The following KDM4B variants were observed in gnomAD, a reference collection of about 807,000 sequenced individuals.
KDM4B encodes lysine-specific demethylase 4B.
KDM4B carries 32 observed loss-of-function variants against 125.2 expected under a neutral mutation model. The ratio of observed to expected loss-of-function variants is 0.26; its 90% confidence interval spans 0.19 to 0.34. KDM4B has a LOEUF of 0.34. KDM4B is among the 10% of genes least tolerant of loss of function. KDM4B has a pLI of 1.00. For synonymous variants in KDM4B, 721 were observed against 677.9 expected (o/e 1.06, Z -0.99); for missense variants, 1,190 against 1,577.7 (o/e 0.75, Z 4.16).
intron 9 of KDM4B, among the ~76,000 whole-genome samples, chr19:5,095,438 G>T (rs1044855964): frequency 6.6e-6 from 1 of 152,250 alleles, no homozygotes; most frequent in Admixed American, 6.5e-5. Flanking sequence ...TCTGGTGAAA[G>T]CTCAGTGCTG....
At chr19:5,065,757 C>T (rs1462827737) in intron 6 of KDM4B, among the ~76,000 whole-genome samples, 1 of 152,240 alleles carries the variant, frequency 6.6e-6, no homozygotes, top group Non-Finnish European at 1.5e-5. Flanking sequence ...TCATGAGCTG[C>T]CCGCCATCCA....
At chr19:5,032,322 T>C (rs1167989652) in intron 2 of KDM4B, among the ~76,000 whole-genome samples, 1 of 152,140 alleles carries the variant, frequency 6.6e-6, no homozygotes, top group Admixed American at 6.5e-5. Context: ...GGCCTGCTGC[T>C]CTCCTGGGTC....
At chr19:4,984,872 C>T (rs922513147) in intron 1 of KDM4B, among the ~76,000 whole-genome samples, 7 of 152,098 alleles carry the variant, frequency 4.6e-5, no homozygotes, top group African/African-American at 1.7e-4. Context: ...GGCACCTGCT[C>T]CGTGAAACCC....
intron 14 of KDM4B, among the ~76,000 whole-genome samples, chr19:5,134,620 C>T (rs144056957): frequency 0.013 from 2,025 of 152,336 alleles, 42 homozygotes; most frequent in African/African-American, 0.047. Context: ...TCTCTCTTCC[C>T]CTGGGCATGC....
At chr19:5,034,302 T>A (rs1192034123) in intron 3 of KDM4B, among the ~76,000 whole-genome samples, 2 of 152,222 alleles carry the variant, frequency 1.3e-5, no homozygotes, top group Admixed American at 6.5e-5. Flanking sequence ...AGTTGCCTGC[T>A]GTTTGACTAT....
chr19:5,034,736 C>G (rs1006849572), intron 3 of KDM4B, among the ~76,000 whole-genome samples: 1 of 152,192 alleles, frequency 6.6e-6, no homozygotes, highest in African/African-American at 2.4e-5. Context: ...CCTTCGGTAT[C>G]AGACTCGCAT....
intron 9 of KDM4B, among the ~76,000 whole-genome samples, chr19:5,107,943 G>A (rs2039066859): frequency 1.3e-5 from 2 of 152,220 alleles, no homozygotes; most frequent in African/African-American, 4.8e-5. Flanking sequence ...GCCACGTGGA[G>A]ACTTGCAGGA....
chr19:5,142,794 G>T lies in KDM4B; in HGVS notation c.2551-1173G>T, dbSNP rs956897306. Among the ~76,000 whole-genome samples the T allele has an allele frequency of 6.7e-6, 1 of 149,762 alleles. No individual in the cohort carries two copies. The highest frequency in any genetic ancestry group is 1.5e-5 in the Non-Finnish European group (1 of 67,216). ...ATTTACAGTTTAATAACGAGATCTC[G>T]ATGCCGTCGATCGGCCCTGCTCCAG... is the stretch of plus-strand genomic sequence containing the variant. On this transcript the variant is annotated intron_variant, in intron 18 of 22. Transcript: ENST00000159111. This position sits in a 1 kb window ranked among gnomAD's most constrained non-coding sequence, Gnocchi z 5.4.
At chr19:5,034,041 G>C (rs2036540909) in intron 3 of KDM4B, among the ~76,000 whole-genome samples, 1 of 152,222 alleles carries the variant, frequency 6.6e-6, no homozygotes, top group African/African-American at 2.4e-5. Flanking sequence ...GGCTGAGGCG[G>C]GAGGATCACT....
chr19:5,036,208 T>C (rs549837408), intron 3 of KDM4B, among the ~76,000 whole-genome samples: 24 of 152,306 alleles, frequency 1.6e-4, no homozygotes, highest in Non-Finnish European at 3.4e-4. Flanking sequence ...CCACTGTGTG[T>C]GTGCGTGCAT....
At chr19:5,089,964 T>C (rs1276746249) in intron 9 of KDM4B, among the ~76,000 whole-genome samples, 1 of 151,742 alleles carries the variant, frequency 6.6e-6, no homozygotes, top group Non-Finnish European at 1.5e-5. Context: ...ATTCCAGAGG[T>C]TCAAGACCGG....
chr19:5,063,392 A>G (rs1227964962), intron 6 of KDM4B, among the ~76,000 whole-genome samples: 1 of 152,188 alleles, frequency 6.6e-6, no homozygotes, highest in African/African-American at 2.4e-5. Flanking sequence ...GGATTCAGAA[A>G]ACGAGCTCAG....
intron 1 of KDM4B, among the ~76,000 whole-genome samples, chr19:4,982,682 G>A (rs944435472): frequency 6.6e-6 from 1 of 150,808 alleles, no homozygotes; most frequent in South Asian, 2.1e-4. Context: ...GCGAGATCTC[G>A]GCTCACTGCA....
At chr19:5,084,520 A>G (rs1178350232) in intron 9 of KDM4B, among the ~76,000 whole-genome samples, 2 of 58,524 alleles carry the variant, frequency 3.4e-5, no homozygotes, top group Non-Finnish European at 6.3e-5. Context: ...ATAAATATAA[A>G]TTATATATGT....
intron 9 of KDM4B, among the ~76,000 whole-genome samples, chr19:5,085,995 AG>A (rs1260692613): frequency 6.6e-6 from 1 of 152,072 alleles, no homozygotes; most frequent in Non-Finnish European, 1.5e-5. Context: ...ATTGGAGAGA[AG>A]GGGCAGCCCA....
In KDM4B at chr19:5,119,669, A is replaced by G. The variant is rs1259517510; in HGVS notation, c.1132A>G (p.Ser378Gly). 1 of 1,555,948 alleles carries G rather than the reference A, an allele frequency of 6.4e-7. No individual in the cohort carries two copies. Among genetic ancestry groups the G allele is most frequent in the Non-Finnish European group, 8.7e-7 (1 of 1,149,390 alleles). The change falls in exon 11 of 23, where the codon AGC (serine) becomes GGC (glycine). Residue 378 changes from serine (S) to glycine (G), a missense_variant. Physicochemically the swap from Ser to Gly is moderately conservative, Grantham distance 56. Around this residue, in one of 7 missense-constraint regions of KDM4B, gnomAD observed 428 missense variants for 405.1 expected, o/e 1.06. Transcript: ENST00000159111. ...CCTCTCCAGGTCTCACCGGAAACGGAGCCAGCCCAAGAAGCCGAAGCCCGA... is the reference window on the plus strand; with the variant it reads ...CCTCTCCAGGTCTCACCGGAAACGGGGCCAGCCCAAGAAGCCGAAGCCCGA... ...KLLRRSHRKR[S>G]QPKKPKPEDP...
chr19:5,011,348 A>G (rs985852405), intron 1 of KDM4B, among the ~76,000 whole-genome samples: 4 of 152,140 alleles, frequency 2.6e-5, no homozygotes, highest in Non-Finnish European at 4.4e-5. Flanking sequence ...CCATGTGTAT[A>G]TGCACACCTG....
At chr19:5,092,898 G>A (rs564978744) in intron 9 of KDM4B, among the ~76,000 whole-genome samples, 1 of 150,324 alleles carries the variant, frequency 6.7e-6, no homozygotes, top group South Asian at 2.1e-4. Flanking sequence ...ACCTCCAGGG[G>A]CAACTGCTGG....
At chr19:5,039,250 C>T (rs773608425) in intron 3 of KDM4B, among the ~76,000 whole-genome samples, 1 of 152,142 alleles carries the variant, frequency 6.6e-6, no homozygotes, top group Non-Finnish European at 1.5e-5. Context: ...TTGAGACCAG[C>T]CTGTGCAACA....
Sources: gnomAD v4.1 joint callset for allele counts (sites outside exome capture counted in the v4.1 genomes callset) on GRCh38, gnomAD v4.1.1 for gene constraint, gnomAD v4.1.1 regional missense constraint, Gnocchi (gnomAD v3.1) non-coding constraint, MANE v1.5 for transcripts, NCBI Gene and HGNC (gene_info 2026-07-23, HGNC 2026-07-21) for gene names.